Variants in DOCK8 observed in about 807,000 individuals in gnomAD.
DOCK8 encodes the protein dedicator of cytokinesis protein 8.
A neutral mutation model predicts 245.6 loss-of-function variants in DOCK8; 141 were observed. That is an observed-to-expected ratio of 0.57 (90% CI 0.50 to 0.66). The LOEUF is 0.66. DOCK8 is among the 30% of genes least tolerant of loss of function. The pLI, the probability that DOCK8 is intolerant of heterozygous loss-of-function variation, is 0.00. For missense variants in DOCK8, 2,965 were observed against 2,603.4 expected, an observed-to-expected ratio of 1.14 and a Z score of -3.02; for synonymous variants, 1,168 against 970.2, an observed-to-expected ratio of 1.20 and a Z score of -3.79.
At chr9:441,195 C>T (rs766818038) in intron 40 of DOCK8, 91 bp from the exon 41 acceptor site, 4 of 1,563,412 alleles carry the variant, frequency 2.6e-6, no homozygotes, top group Non-Finnish European at 3.5e-6. Flanking sequence ...AATTCACTCT[C>T]CAGCACATTG....
chr9:439,628 T>C (rs2057022534), intron 40 of DOCK8, among the ~76,000 whole-genome samples: 2 of 152,196 alleles, frequency 1.3e-5, no homozygotes. Context: ...TGTATGCTCA[T>C]TGGTTGGGCA....
At position 243,211 on chromosome 9, in the gene DOCK8, A is replaced by G. The variant is rs140327069; in HGVS notation, c.53+28182A>G. Reference sequence around the variant, plus strand: ...ACTTGATTCTGAGATCCAGGAGAGAATATTTGGATTGCCGGGAGGTGACCT... The same window carrying G: ...ACTTGATTCTGAGATCCAGGAGAGAGTATTTGGATTGCCGGGAGGTGACCT... On this transcript the variant is annotated intron_variant, in intron 1 of 47. Transcript: ENST00000432829. 6.7e-3 allele frequency among the ~76,000 whole-genome samples: 1,017 copies of G among 152,304 alleles called. 9 individuals are homozygous for G. Among genetic ancestry groups the G allele is most frequent in the African/African-American group, 0.022 (935 of 41,566 alleles).
intron 2 of DOCK8, among the ~76,000 whole-genome samples, chr9:272,693 C>G (rs2048195742): frequency 6.6e-6 from 1 of 152,160 alleles, no homozygotes; most frequent in African/African-American, 2.4e-5. Context: ...CCTAAACCTT[C>G]ATTTTTAAAA....
chr9:224,953 C>T (rs1439383240), intron 1 of DOCK8, among the ~76,000 whole-genome samples: 1 of 152,180 alleles, frequency 6.6e-6, no homozygotes, highest in Non-Finnish European at 1.5e-5. Flanking sequence ...TGTTGACATG[C>T]TGGCTGGTTT....
chr9:214,254 A>T (rs1381656441), upstream of DOCK8: 4 of 485,144 alleles, frequency 8.2e-6, no homozygotes, highest in Non-Finnish European at 1.5e-5. Context: ...CGTACCCTTG[A>T]ATCGCAAGAA....
chr9:421,888 A>G (rs1014089058), intron 32 of DOCK8, among the ~76,000 whole-genome samples, 160 bp from the exon 33 acceptor site: 2 of 152,196 alleles, frequency 1.3e-5, no homozygotes, highest in African/African-American at 4.8e-5. Flanking sequence ...CAACTTGGAC[A>G]TAGGTGTGGC....
chr9:400,071 C>T (rs1275341264), intron 26 of DOCK8, among the ~76,000 whole-genome samples: 1 of 107,768 alleles, frequency 9.3e-6, no homozygotes, highest in Non-Finnish European at 1.9e-5. Flanking sequence ...CCTTCACCAT[C>T]ACCATCACCA....
chr9:299,510 G>A (rs986874441), intron 4 of DOCK8, among the ~76,000 whole-genome samples: 12 of 152,020 alleles, frequency 7.9e-5, no homozygotes, highest in Non-Finnish European at 1.2e-4. Context: ...TGGTGCTCCC[G>A]CCTTGGCCTC....
At chr9:259,363 C>T (rs1424946096) in intron 1 of DOCK8, among the ~76,000 whole-genome samples, 1 of 152,066 alleles carries the variant, frequency 6.6e-6, no homozygotes, top group Non-Finnish European at 1.5e-5. Context: ...GTAGTATTTC[C>T]TTCTAGTTTT....
At chr9:350,248 G>A (rs1485160789) in intron 14 of DOCK8, among the ~76,000 whole-genome samples, 1 of 152,108 alleles carries the variant, frequency 6.6e-6, no homozygotes, top group Non-Finnish European at 1.5e-5. Flanking sequence ...AAGAAGCTAG[G>A]ACCACTGCTG....
At chr9:397,842 G>C (rs2054537326) in intron 25 of DOCK8, among the ~76,000 whole-genome samples, 1 of 152,132 alleles carries the variant, frequency 6.6e-6, no homozygotes, top group Non-Finnish European at 1.5e-5. Context: ...AACAAATGTA[G>C]CAAAATGTCA....
Position 432,207 on chromosome 9 carries a change from A to G in DOCK8, c.4668A>G (p.Ala1556=), listed in dbSNP as rs568640847. ...RVKMQVTMSL[A]SLVGRAPDFN... is the part of the protein sequence containing the mutation. ...AGATGCAAGTAACCATGTCCCTGGC[A>G]TCTTTGGTGGGAAGAGCACCAGACT... Residue 1556 remains alanine (A), a synonymous_variant, in exon 37 of 48, where the codon GCA becomes GCG. Coordinates refer to ENST00000432829, the MANE Select transcript of DOCK8 (RefSeq NM_203447.4). 1.9e-6 allele frequency: 3 copies of G among 1,613,008 alleles called. No individual in the cohort carries two copies. Among genetic ancestry groups the G allele is most frequent in the African/African-American group, 2.7e-5 (2 of 74,512 alleles).
At chr9:431,039 AT>A (rs35683100) in intron 36 of DOCK8, among the ~76,000 whole-genome samples, 1 of 151,034 alleles carries the variant, frequency 6.6e-6, no homozygotes, top group African/African-American at 2.4e-5. Context: ...TACCCAGCTA[AT>A]TTTTTTTGCA....
chr9:295,976 T>C (rs2049243948), intron 4 of DOCK8, among the ~76,000 whole-genome samples: 1 of 152,236 alleles, frequency 6.6e-6, no homozygotes, highest in Non-Finnish European at 1.5e-5. Flanking sequence ...TACATAAAAA[T>C]GTAAAATACA....
At chr9:365,987 A>G (rs2052975480) in intron 14 of DOCK8, 2 of 200,428 alleles carry the variant, frequency 1.0e-5, no homozygotes, top group Non-Finnish European at 2.1e-5. Flanking sequence ...GTTTAGACAG[A>G]GCACGATTTG....
At chr9:450,490 G>C (rs1245064341) in intron 45 of DOCK8, among the ~76,000 whole-genome samples, 1 of 152,162 alleles carries the variant, frequency 6.6e-6, no homozygotes, top group Non-Finnish European at 1.5e-5. Context: ...GTTCAGCATG[G>C]TGCTCAAGCA....
intron 1 of DOCK8, among the ~76,000 whole-genome samples, chr9:242,673 C>G (rs2047402668): frequency 6.6e-6 from 1 of 152,198 alleles, no homozygotes; most frequent in Admixed American, 6.5e-5. Flanking sequence ...CACAGAAACT[C>G]AAGTCTAGCT....
At chr9:397,562 T>C (rs1198704981) in intron 25 of DOCK8, among the ~76,000 whole-genome samples, 3 of 150,500 alleles carry the variant, frequency 2.0e-5, no homozygotes, top group African/African-American at 4.9e-5. Flanking sequence ...TAGTGGCACG[T>C]ACCTGTAATC....
Position 246,317 on chromosome 9 carries a change from G to A in DOCK8, c.54-25310G>A, listed in dbSNP as rs2047504833. 9.2e-5 allele frequency among the ~76,000 whole-genome samples: 14 copies of A among 152,132 alleles called. No homozygotes were observed. The South Asian group carries it at 2.9e-3, about 32-fold the overall frequency. On this transcript the variant is annotated intron_variant, in intron 1 of 47. Transcript: ENST00000432829. ...GACAATTCTTTGAAGCCAGGAGTTT[G>A]AGACCAGCCTGGGCAACATAGCGTG... is the stretch of plus-strand genomic sequence containing the variant.
Sources: allele counts gnomAD v4.1 joint callset (sites outside exome capture counted in the v4.1 genomes callset), GRCh38; gene constraint gnomAD v4.1.1; transcripts MANE v1.5; gene names NCBI Gene and HGNC (gene_info 2026-07-23, HGNC 2026-07-21).